Variants in GPATCH1 observed in about 807,000 individuals in gnomAD.
GPATCH1 encodes G patch domain-containing protein 1.
Under a neutral mutation model 114.9 loss-of-function variants are expected in GPATCH1, and 73 were observed. The ratio of observed to expected loss-of-function variants is 0.64; its 90% confidence interval spans 0.53 to 0.77. GPATCH1 has a LOEUF of 0.77. GPATCH1 is among the 30% of genes least tolerant of loss of function. The probability of loss-of-function intolerance (pLI) is 0.00; values close to 1 mark genes in which losing one functional copy is unlikely to be tolerated. For missense variants in GPATCH1, 1,058 were observed against 1,144.3 expected, an observed-to-expected ratio of 0.92 and a Z score of 1.09; for synonymous variants, 391 against 428.4, an observed-to-expected ratio of 0.91 and a Z score of 1.08.
Position 33,126,643 on chromosome 19 carries a change from A to G in GPATCH1, c.2675A>G (p.Glu892Gly), listed in dbSNP as rs1406277979. The stretch of plus-strand genomic sequence containing the variant: ...GGCAAGCAAAAGAATAAAAAACCAG[A>G]GAAAAGTAGTAGCTCCGAGAGTTCC... ...HKGKQKNKKP[E>G]KSSSSESSDS... The change falls in exon 19 of 20, where the codon GAG becomes GGG. Residue 892 changes from glutamate (E) to glycine (G), a missense_variant. Transcript: ENST00000170564. The G allele has an allele frequency of 1.2e-6, 2 of 1,614,078 alleles. No homozygotes were observed. The highest frequency in any genetic ancestry group is 1.7e-6 in the Non-Finnish European group (2 of 1,179,988).
chr19:33,114,797 CT>C (rs546074419), intron 15 of GPATCH1, among the ~76,000 whole-genome samples: 896 of 87,206 alleles, frequency 0.01, 5 homozygotes, highest in African/African-American at 0.032. Context: ...CTATTTCTCT[CT>C]TTTTTTTTTT....
chr19:33,110,745 A>C (rs1393610091), intron 11 of GPATCH1, among the ~76,000 whole-genome samples: 1 of 151,794 alleles, frequency 6.6e-6, no homozygotes, highest in Non-Finnish European at 1.5e-5. Context: ...AGTGGTGACA[A>C]GTTCCTTACT....
intron 1 of GPATCH1, among the ~76,000 whole-genome samples, chr19:33,082,559 A>G (rs963107506): frequency 1.3e-5 from 2 of 152,136 alleles, no homozygotes; most frequent in African/African-American, 4.8e-5. Flanking sequence ...AGGTTGAGAA[A>G]GGGGCCAGGC....
chr19:33,122,326 CT>C (rs35388450), intron 17 of GPATCH1, among the ~76,000 whole-genome samples: 62,148 of 115,908 alleles, frequency 0.54, 17,503 homozygotes, highest in African/African-American at 0.83. Flanking sequence ...CCTTTAGTTT[CT>C]TTTTTTTTTT....
intron 15 of GPATCH1, among the ~76,000 whole-genome samples, chr19:33,117,548 C>A (rs1972929470): frequency 6.6e-6 from 1 of 152,120 alleles, no homozygotes; most frequent in African/African-American, 2.4e-5. Flanking sequence ...CCCGCCTAGG[C>A]CTCCCAAAGT....
chr19:33,096,117 G>A (rs1362555645), intron 6 of GPATCH1, 90 bp from the exon 7 acceptor site: 2 of 1,291,222 alleles, frequency 1.5e-6, no homozygotes, highest in Non-Finnish European at 2.2e-6. Flanking sequence ...GTTCTGTGTG[G>A]CATTAATCAC....
chr19:33,094,416 T>C (rs1972632575), intron 5 of GPATCH1, 147 bp downstream of exon 5: 4 of 588,672 alleles, frequency 6.8e-6, no homozygotes, highest in Non-Finnish European at 1.2e-5. Context: ...GCTCAAGTGA[T>C]CCTTCCACGT....
At chr19:33,084,724 G>A (rs1048386506) in intron 1 of GPATCH1, among the ~76,000 whole-genome samples, 11 of 148,908 alleles carry the variant, frequency 7.4e-5, no homozygotes, top group Admixed American at 4.1e-4. Flanking sequence ...GCAATGGCAC[G>A]ATCTTTGCTC....
intron 1 of GPATCH1, among the ~76,000 whole-genome samples, chr19:33,086,736 A>G (rs1224273473): frequency 6.6e-6 from 1 of 152,142 alleles, no homozygotes; most frequent in African/African-American, 2.4e-5. Context: ...GATTACAGGC[A>G]TGAGTCATTG....
intron 3 of GPATCH1, among the ~76,000 whole-genome samples, chr19:33,091,514 C>A (rs1165468727): frequency 6.6e-6 from 1 of 151,540 alleles, no homozygotes; most frequent in Non-Finnish European, 1.5e-5. Flanking sequence ...CTCTCAGGCA[C>A]ACTGCAGTAA....
intron 13 of GPATCH1, chr19:33,113,547 C>A: frequency 2.1e-6 from 1 of 466,126 alleles, no homozygotes; most frequent in South Asian, 3.4e-5. Flanking sequence ...TAATGGAAAT[C>A]CATTTTGAAA....
Position 33,097,801 on chromosome 19 carries a change from C to A in GPATCH1, c.899C>A (p.Ala300Asp). ...ALEEEDDDIY[A>D]TETLSKYDTV... The stretch of plus-strand genomic sequence containing the variant: ...GAAGAGGAAGATGATGATATCTATG[C>A]CACAGAAACTCTATCCAAGTATGAC... Residue 300 changes from alanine (A) to aspartate (D), a missense_variant, in exon 8 of 20, where the codon GCC (alanine) becomes GAC (aspartate). Ala to Asp is a moderately radical substitution (Grantham distance 126). This residue lies in a region of GPATCH1 where 893 missense variants were observed against 977.4 expected (regional missense o/e 0.91). Coordinates refer to ENST00000170564, the MANE Select transcript of GPATCH1 (RefSeq NM_018025.3). The A allele has an allele frequency of 6.2e-7, 1 of 1,613,622 alleles. No homozygotes were observed. Among genetic ancestry groups the A allele is most frequent in the Non-Finnish European group, 8.5e-7 (1 of 1,179,590 alleles).
At chr19:33,089,730 C>T (rs1004545262) in intron 2 of GPATCH1, among the ~76,000 whole-genome samples, 3 of 151,324 alleles carry the variant, frequency 2.0e-5, no homozygotes, top group South Asian at 4.2e-4. Context: ...AAGCAATTCT[C>T]CTGCCTCAGC....
intron 6 of GPATCH1, 119 bp downstream of exon 6, chr19:33,095,939 T>C: frequency 1.2e-6 from 1 of 817,830 alleles, no homozygotes; most frequent in Non-Finnish European, 2.2e-6. Flanking sequence ...AGTTAAATAC[T>C]CATACCCTAA....
chr19:33,119,240 A>G (rs1041618335), intron 17 of GPATCH1, 123 bp downstream of exon 17: 2 of 535,438 alleles, frequency 3.7e-6, no homozygotes, highest in Non-Finnish European at 6.6e-6. Flanking sequence ...GTTTTCAGTC[A>G]TATTTTAAAC....
At chr19:33,081,329 AC>A in intron 1 of GPATCH1, 63 bp downstream of exon 1, 1 of 1,337,600 alleles carries the variant, frequency 7.5e-7, no homozygotes, top group Non-Finnish European at 1.0e-6. Context: ...GATTCGGGCC[AC>A]AAAAGCACAA....
At chr19:33,102,612 G>C (rs1972740234) in intron 9 of GPATCH1, among the ~76,000 whole-genome samples, 1 of 151,886 alleles carries the variant, frequency 6.6e-6, no homozygotes, top group African/African-American at 2.4e-5. Flanking sequence ...GGTCAGGCTG[G>C]TCTTGAACTC....
intron 19 of GPATCH1, among the ~76,000 whole-genome samples, chr19:33,129,860 C>T (rs1334864761): frequency 1.3e-5 from 2 of 150,832 alleles, no homozygotes; most frequent in African/African-American, 4.9e-5. Context: ...AGGAGACTTG[C>T]TTAAACCTGG....
intron 2 of GPATCH1, among the ~76,000 whole-genome samples, chr19:33,090,165 T>G (rs1216779437): frequency 1.3e-5 from 2 of 152,186 alleles, no homozygotes; most frequent in Non-Finnish European, 2.9e-5. Context: ...TGGCACATGC[T>G]CGGTAACCGT....
Sources: gnomAD v4.1 joint callset for allele counts (sites outside exome capture counted in the v4.1 genomes callset) on GRCh38, gnomAD v4.1.1 for gene constraint, gnomAD v4.1.1 regional missense constraint, MANE v1.5 for transcripts, NCBI Gene and HGNC (gene_info 2026-07-23, HGNC 2026-07-21) for gene names.